The following MEOX2 variants were observed in gnomAD, a reference collection of about 807,000 sequenced individuals.
MEOX2 encodes the protein homeobox protein MOX-2.
In MEOX2, 11 loss-of-function variants were observed where a neutral mutation model predicts 27.0. That is an observed-to-expected ratio of 0.41 (90% CI 0.26 to 0.68). The LOEUF is 0.68. Ranked by LOEUF, MEOX2 falls within the 30% of genes least tolerant of loss-of-function variation. The pLI is 0.33. For missense variants in MEOX2, 436 were observed against 385.4 expected (o/e 1.13, Z -1.10); for synonymous variants, 189 against 155.4 (o/e 1.22, Z -1.61).
rs1213028404 is a variant in MEOX2, at chr7:15,673,218, GT to G, written c.517+12667del. Among the ~76,000 whole-genome samples the G allele has an allele frequency of 2.6e-5, 4 of 152,268 alleles. No individual in the cohort carries two copies. The East Asian group carries it at 7.7e-4, about 29-fold the overall frequency. On this transcript the variant is annotated intron_variant, in intron 1 of 2. Coordinates refer to ENST00000262041, the MANE Select transcript of MEOX2 (RefSeq NM_005924.5). ...TAGGGAGTGCATATTTCTGATCCAA[GT>G]AAAAAACCAGAGACATGTGAACTAG... is the stretch of plus-strand genomic sequence containing the variant.
At chr7:15,615,790 G>A (rs1781115232) in intron 2 of MEOX2, among the ~76,000 whole-genome samples, 1 of 151,998 alleles carries the variant, frequency 6.6e-6, no homozygotes. Flanking sequence ...AAATACATAT[G>A]TCATGATCAT....
rs33970897 is a variant in MEOX2, at chr7:15,686,492, A to ATTT, written c.-93_-91dup. The ATTT allele has an allele frequency of 0.042, 42,974 of 1,022,502 alleles. 274 individuals are homozygous for ATTT. Among genetic ancestry groups the ATTT allele is most frequent in the South Asian group, 0.065 (3,695 of 56,848 alleles). 63.3% of individuals were successfully genotyped at this position (1,022,502 alleles called of 1,614,324 possible). On this transcript the variant is annotated 5_prime_UTR_variant, in exon 1 of 3. Coordinates refer to ENST00000262041, the MANE Select transcript of MEOX2 (RefSeq NM_005924.5). Reference sequence around the variant, plus strand: ...TCACTTTTTCACTGGAAACCGTGTGATTTTTTTTTTAACCTCCCAAAGCAA... The same window carrying ATTT: ...TCACTTTTTCACTGGAAACCGTGTGATTTTTTTTTTTTTAACCTCCCAAAGCAA...
chr7:15,661,242 C>T (rs6969225), intron 1 of MEOX2, among the ~76,000 whole-genome samples: 119,481 of 151,962 alleles, frequency 0.79, 47,277 homozygotes, highest in East Asian at 0.9. Flanking sequence ...TTTTTCCTTA[C>T]CAAATCTGCC....
chr7:15,618,225 T>C (rs1373823429), intron 2 of MEOX2, among the ~76,000 whole-genome samples: 2 of 152,040 alleles, frequency 1.3e-5, no homozygotes, highest in Non-Finnish European at 2.9e-5. Context: ...CTTAATCCCA[T>C]TTTTACAGGA....
intron 1 of MEOX2, among the ~76,000 whole-genome samples, chr7:15,634,014 C>T (rs770270739): frequency 2.6e-5 from 4 of 151,864 alleles, no homozygotes; most frequent in Non-Finnish European, 4.4e-5. Context: ...CATGTTTACA[C>T]ATATCTCGTG....
At chr7:15,670,622 T>G (rs1203009428) in intron 1 of MEOX2, among the ~76,000 whole-genome samples, 2 of 152,226 alleles carry the variant, frequency 1.3e-5, no homozygotes, top group African/African-American at 4.8e-5. Context: ...GCCAAACAAT[T>G]GAATTTTTAA....
At chr7:15,631,084 G>C (rs1364045975) in intron 1 of MEOX2, among the ~76,000 whole-genome samples, 2 of 151,846 alleles carry the variant, frequency 1.3e-5, no homozygotes, top group Non-Finnish European at 2.9e-5. Context: ...ATCCAGAATA[G>C]GATAGCCAGA....
chr7:15,653,755 T>A (rs931967138), intron 1 of MEOX2, among the ~76,000 whole-genome samples: 1 of 152,024 alleles, frequency 6.6e-6, no homozygotes, highest in Admixed American at 6.6e-5. Flanking sequence ...ACTGTTGATT[T>A]TCTATTTTTT....
chr7:15,644,006 G>T (rs1439856714), intron 1 of MEOX2, among the ~76,000 whole-genome samples: 1 of 152,144 alleles, frequency 6.6e-6, no homozygotes, highest in East Asian at 1.9e-4. Context: ...TGGTTGCAGG[G>T]GTGGCTGGAA....
chr7:15,665,297 AG>A (rs1781984090), intron 1 of MEOX2, among the ~76,000 whole-genome samples: 1 of 152,150 alleles, frequency 6.6e-6, no homozygotes, highest in African/African-American at 2.4e-5. Flanking sequence ...ATGAAAAAAA[AG>A]CACCTTAATC....
intron 1 of MEOX2, 94 bp from the exon 2 acceptor site, chr7:15,627,012 G>C (rs1181154590): frequency 1.1e-5 from 14 of 1,249,426 alleles, no homozygotes; most frequent in Non-Finnish European, 1.6e-5. Flanking sequence ...ACTTTTCCAG[G>C]TACTGCGCTA....
At chr7:15,661,622 G>A (rs186318194) in intron 1 of MEOX2, among the ~76,000 whole-genome samples, 6 of 152,238 alleles carry the variant, frequency 3.9e-5, no homozygotes, top group African/African-American at 1.4e-4. Context: ...TTTCAAAGTG[G>A]CATTCTTGAT....
chr7:15,631,906 ATGTGTGTGTG>A (rs146116757), intron 1 of MEOX2, among the ~76,000 whole-genome samples: 2 of 129,352 alleles, frequency 1.5e-5, no homozygotes, highest in Non-Finnish European at 3.2e-5. Context: ...CCAAGGTTAA[ATGTGTGTGTG>A]TGTGTGTGTG....
Position 15,685,867 on chromosome 7 carries a change from G to C in MEOX2, c.517+19C>G, listed in dbSNP as rs769386764. ...TCCAGCCCGGCGCGCACTCTCGAGG[G>C]TGCCTGGCGCGCCCTTACCTGAGCT... is the stretch of plus-strand genomic sequence containing the variant. On this transcript the variant is annotated intron_variant, in intron 1 of 2. Transcript: ENST00000262041. 6.4e-7 allele frequency: 1 copy of C among 1,567,548 alleles called. No individual in the cohort carries two copies. The highest frequency in any genetic ancestry group is 1.2e-5 in the South Asian group (1 of 83,298).
In MEOX2 at chr7:15,667,289, C is replaced by CAAAAAAAAAAAAA. The variant is rs532691969; in HGVS notation, c.517+18584_517+18596dup. Among the ~76,000 whole-genome samples the CAAAAAAAAAAAAA allele has an allele frequency of 6.3e-3, 257 of 40,950 alleles. 55 individuals are homozygous for CAAAAAAAAAAAAA. The highest frequency in any genetic ancestry group is 0.016 in the African/African-American group (166 of 10,062). The allele number at this position is 40,950 out of a possible 152,430, so 26.9% of individuals were successfully genotyped here. A position where few individuals can be genotyped will look rare whatever the true frequency, so the allele number is the denominator to read the frequency against. On this transcript the variant is annotated intron_variant, in intron 1 of 2. Transcript: ENST00000262041. ...CTGGCAACAGAGTGAGACTCTGTCTCAAAAAAAAAAAAAAAAAAAAAAAGT... is the reference window on the plus strand; with the variant it reads ...CTGGCAACAGAGTGAGACTCTGTCTCAAAAAAAAAAAAAAAAAAAAAAAAAAAAAAAAAAAAGT...
chr7:15,631,114 T>C (rs1395948144), intron 1 of MEOX2, among the ~76,000 whole-genome samples: 1 of 151,916 alleles, frequency 6.6e-6, no homozygotes, highest in Admixed American at 6.6e-5. Flanking sequence ...TTATTTCTTG[T>C]ACCTCTTTGA....
chr7:15,655,471 G>A (rs1032384746), intron 1 of MEOX2, among the ~76,000 whole-genome samples: 3 of 151,424 alleles, frequency 2.0e-5, no homozygotes, highest in African/African-American at 7.3e-5. Flanking sequence ...TTAGACAATT[G>A]TTCTGAAACC....
chr7:15,647,254 A>C (rs550458655), intron 1 of MEOX2, among the ~76,000 whole-genome samples: 2 of 152,094 alleles, frequency 1.3e-5, no homozygotes, highest in Non-Finnish European at 2.9e-5. Flanking sequence ...AAACATACAT[A>C]AAATGAGTGT....
At chr7:15,639,644 A>T (rs919419475) in intron 1 of MEOX2, among the ~76,000 whole-genome samples, 1 of 151,990 alleles carries the variant, frequency 6.6e-6, no homozygotes, top group African/African-American at 2.4e-5. Flanking sequence ...TTTTGTATAT[A>T]GTGAGAGATA....
Sources: gnomAD v4.1 joint callset for allele counts (sites outside exome capture counted in the v4.1 genomes callset) on GRCh38, gnomAD v4.1.1 for gene constraint, MANE v1.5 for transcripts, NCBI Gene and HGNC (gene_info 2026-07-23, HGNC 2026-07-21) for gene names.